Variants in RALGPS1 observed in about 807,000 individuals in gnomAD.
RALGPS1 encodes Ral GEF with PH domain and SH3 binding motif 1.
In RALGPS1, 19 loss-of-function variants were observed where a neutral mutation model predicts 78.8. The ratio of observed to expected loss-of-function variants is 0.24; its 90% CI spans 0.17 to 0.35. The LOEUF (loss-of-function observed/expected upper bound fraction) is 0.35, where lower values mean the gene tolerates loss of function less well. Ranked by LOEUF, RALGPS1 falls within the 10% of genes least tolerant of loss-of-function variation. The pLI, the probability that RALGPS1 is intolerant of heterozygous loss-of-function variation, is 1.00. For synonymous variants in RALGPS1, 228 were observed against 256.3 expected (o/e 0.89, Z 1.06); for missense variants, 454 against 688.3 (o/e 0.66, Z 3.81).
chr9:127,111,516 G>A (rs1034022906), intron 8 of RALGPS1, among the ~76,000 whole-genome samples: 2 of 152,212 alleles, frequency 1.3e-5, no homozygotes, highest in Non-Finnish European at 2.9e-5. Flanking sequence ...AGCTGGGAGT[G>A]CTGGAAAGAG....
At chr9:127,217,049 T>G in intron 18 of RALGPS1, 7 of 1,453,660 alleles carry the variant, frequency 4.8e-6, no homozygotes, top group Non-Finnish European at 6.4e-6. Context: ...GTGGTAGCCC[T>G]GAGTAAAACC....
At chr9:127,081,343 G>T (rs1239296318) in intron 8 of RALGPS1, among the ~76,000 whole-genome samples, 1 of 152,152 alleles carries the variant, frequency 6.6e-6, no homozygotes, top group African/African-American at 2.4e-5. Flanking sequence ...CCTTGCCTCT[G>T]CTTCCTGAAT....
intron 2 of RALGPS1, among the ~76,000 whole-genome samples, chr9:126,964,743 C>T (rs1009861576): frequency 1.3e-5 from 2 of 150,828 alleles, no homozygotes; most frequent in Non-Finnish European, 3.0e-5. Flanking sequence ...GGTTTAAGTT[C>T]CTGCTCCTCT....
chr9:127,132,291 T>C (rs990769597), intron 8 of RALGPS1, among the ~76,000 whole-genome samples: 1 of 152,202 alleles, frequency 6.6e-6, no homozygotes, highest in Admixed American at 6.5e-5. Flanking sequence ...ACGTCCCTGA[T>C]TTCCAATTGC....
chr9:126,977,553 A>G (rs1277262336), intron 3 of RALGPS1, 142 bp from the exon 4 acceptor site: 1 of 456,710 alleles, frequency 2.2e-6, no homozygotes, highest in Non-Finnish European at 3.8e-6. Context: ...AAATGTATCC[A>G]ATTTTTTACT....
chr9:127,144,274 C>A (rs1362522869), intron 8 of RALGPS1, among the ~76,000 whole-genome samples: 1 of 152,176 alleles, frequency 6.6e-6, no homozygotes, highest in African/African-American at 2.4e-5. Context: ...CCCGTAGTAC[C>A]CCAGCGGTGG....
intron 8 of RALGPS1, among the ~76,000 whole-genome samples, chr9:127,114,120 C>T (rs926222215): frequency 2.0e-5 from 3 of 152,220 alleles, no homozygotes; most frequent in East Asian, 1.9e-4. Flanking sequence ...CAACAGCCCT[C>T]GGAAGGCGGC....
intron 1 of RALGPS1, among the ~76,000 whole-genome samples, chr9:126,923,236 G>A (rs191843064): frequency 5.6e-4 from 85 of 152,298 alleles, no homozygotes; most frequent in African/African-American, 2.0e-3. Context: ...CCAGCCTTAT[G>A]TTGATTCTGC....
chr9:127,174,078 G>A (rs2059706796), intron 10 of RALGPS1, among the ~76,000 whole-genome samples: 1 of 151,858 alleles, frequency 6.6e-6, no homozygotes, highest in African/African-American at 2.4e-5. Context: ...TGGCCAACAT[G>A]GTGGAACCCC....
At chr9:127,199,100 G>A (rs769820080) in intron 14 of RALGPS1, 34 bp downstream of exon 14, 5 of 1,602,404 alleles carry the variant, frequency 3.1e-6, no homozygotes, top group Admixed American at 3.3e-5. Context: ...TCCCTCCCAG[G>A]GGCGGTGCTC....
Position 127,136,040 on chromosome 9 carries a change from C to T in RALGPS1, c.611-30029C>T, listed in dbSNP as rs186421824. ...GTCGGGGAGTGGGTGTTGGAGAGAA[C>T]GAAAGCATTTTGTGTTTATACCCCT... On this transcript the variant is annotated intron_variant, in intron 8 of 18. Coordinates refer to ENST00000259351, the MANE Select transcript of RALGPS1 (RefSeq NM_014636.3). Among the ~76,000 whole-genome samples, 24 of 152,242 alleles carry T rather than the reference C, an allele frequency of 1.6e-4. No homozygotes were observed. In the East Asian group the frequency reaches 1.9e-3, roughly 12 times the overall value.
At chr9:127,132,506 C>T (rs1169485641) in intron 8 of RALGPS1, among the ~76,000 whole-genome samples, 7 of 152,348 alleles carry the variant, frequency 4.6e-5, no homozygotes, top group East Asian at 1.9e-4. Context: ...CTCCCCAGCA[C>T]GCTGTAAGGG....
chr9:127,122,292 T>C lies in RALGPS1; in HGVS notation c.611-43777T>C, dbSNP rs1412688328. ...GGCTGCCTCTCGCCCCTGCCTCTCATGGCCGCAGAGCTGGCCCCTTACCTC... is the reference window on the plus strand; with the variant it reads ...GGCTGCCTCTCGCCCCTGCCTCTCACGGCCGCAGAGCTGGCCCCTTACCTC... On this transcript the variant is annotated intron_variant, in intron 8 of 18. Transcript: ENST00000259351. The surrounding 1 kb of genome is among the most constrained non-coding windows in gnomAD (Gnocchi z 6.4). 1 of 152,312 alleles carries C rather than the reference T, an allele frequency of 6.6e-6. No individual in the cohort carries two copies. The highest frequency in any genetic ancestry group is 1.9e-4 in the East Asian group (1 of 5,176). The allele number at this position is 152,312 out of a possible 1,614,324, so 9.4% of individuals were successfully genotyped here. A position where few individuals can be genotyped will look rare whatever the true frequency, so the allele number is the denominator to read the frequency against.
chr9:127,172,216 G>T (rs2059601654), intron 10 of RALGPS1, among the ~76,000 whole-genome samples: 1 of 152,234 alleles, frequency 6.6e-6, no homozygotes, highest in South Asian at 2.1e-4. Flanking sequence ...TGTTGGACTA[G>T]ACCCGGCCTT....
chr9:126,942,078 C>G, intron 1 of RALGPS1, among the ~76,000 whole-genome samples: 1 of 152,204 alleles, frequency 6.6e-6, no homozygotes, highest in East Asian at 1.9e-4. Context: ...AACAAACCCC[C>G]TGTTCAGGTC....
intron 2 of RALGPS1, among the ~76,000 whole-genome samples, chr9:126,964,982 A>T (rs2039329921): frequency 6.6e-6 from 1 of 152,242 alleles, no homozygotes; most frequent in Non-Finnish European, 1.5e-5. Context: ...ATCATTTATG[A>T]ACAGGGCACA....
chr9:127,163,833 T>C (rs1425269227), intron 8 of RALGPS1, among the ~76,000 whole-genome samples: 1 of 152,250 alleles, frequency 6.6e-6, no homozygotes, highest in East Asian at 1.9e-4. Flanking sequence ...TTTTATATAA[T>C]TAACCAAGTT....
intron 8 of RALGPS1, among the ~76,000 whole-genome samples, chr9:127,156,632 A>G (rs1023509688): frequency 8.5e-5 from 13 of 152,186 alleles, no homozygotes; most frequent in African/African-American, 3.1e-4. Flanking sequence ...ATATATTAGG[A>G]CTGTTGACTG....
intron 3 of RALGPS1, among the ~76,000 whole-genome samples, chr9:126,977,434 C>T (rs991781055): frequency 6.6e-6 from 1 of 152,122 alleles, no homozygotes; most frequent in Non-Finnish European, 1.5e-5. Context: ...GGCCCACCCC[C>T]CAAACAACTT....
Sources: gnomAD v4.1 joint callset for allele counts (sites outside exome capture counted in the v4.1 genomes callset) on GRCh38, gnomAD v4.1.1 for gene constraint, Gnocchi (gnomAD v3.1) non-coding constraint, MANE v1.5 for transcripts, NCBI Gene and HGNC (gene_info 2026-07-23, HGNC 2026-07-21) for gene names.